GRAMD1C: variants seen among roughly 807,000 people sequenced by gnomAD.
The protein encoded by GRAMD1C is protein Aster-C.
A neutral mutation model predicts 97.8 loss-of-function variants in GRAMD1C; 89 were observed. The ratio of observed to expected loss-of-function variants is 0.91; its 90% CI spans 0.77 to 1.09. The LOEUF (loss-of-function observed/expected upper bound fraction) is 1.09, where lower values mean the gene tolerates loss of function less well. Ranked by LOEUF, GRAMD1C falls within the 50% of genes least tolerant of loss-of-function variation. GRAMD1C has a pLI of 0.00. For synonymous variants in GRAMD1C, 256 were observed against 267.0 expected (o/e 0.96, Z 0.40); for missense variants, 740 against 766.4 (o/e 0.97, Z 0.41).
intron 5 of GRAMD1C, among the ~76,000 whole-genome samples, chr3:113,877,980 A>G (rs1161996313): frequency 2.0e-5 from 3 of 151,980 alleles, no homozygotes; most frequent in Non-Finnish European, 2.9e-5. Flanking sequence ...GGGTTTCACT[A>G]TTTTGGTCAG....
chr3:113,842,479 T>A (rs1431259038), intron 1 of GRAMD1C, among the ~76,000 whole-genome samples: 2 of 152,224 alleles, frequency 1.3e-5, no homozygotes, highest in Non-Finnish European at 2.9e-5. Context: ...TGCTGTTGTA[T>A]GTTTCCTCCC....
At chr3:113,838,057 C>T (rs532039000), upstream of GRAMD1C, among the ~76,000 whole-genome samples, 3 of 152,208 alleles carry the variant, frequency 2.0e-5, no homozygotes, top group Non-Finnish European at 4.4e-5. Flanking sequence ...TCTTCTCAGA[C>T]TTAAGGTCTG....
At chr3:113,884,827 ACT>A (rs1935390392) in intron 6 of GRAMD1C, among the ~76,000 whole-genome samples, 2 of 148,898 alleles carry the variant, frequency 1.3e-5, no homozygotes, top group South Asian at 2.1e-4. Context: ...CGACAGTGAG[ACT>A]CTGTCTCAAA....
At chr3:113,882,581 C>T (rs1468216445) in intron 5 of GRAMD1C, among the ~76,000 whole-genome samples, 171 bp from the exon 6 acceptor site, 1 of 152,056 alleles carries the variant, frequency 6.6e-6, no homozygotes, top group Non-Finnish European at 1.5e-5. Flanking sequence ...ATAGCAACTA[C>T]CCGTGTTTCT....
intron 7 of GRAMD1C, among the ~76,000 whole-genome samples, 198 bp from the exon 8 acceptor site, chr3:113,903,942 C>T (rs1577186519): frequency 6.7e-6 from 1 of 148,566 alleles, no homozygotes; most frequent in African/African-American, 2.4e-5. Context: ...GTGAGTGTAT[C>T]TTGTTTTCAG....
chr3:113,938,777 C>T (rs1277082437), intron 15 of GRAMD1C: 1 of 152,164 alleles, frequency 6.6e-6, no homozygotes, highest in African/African-American at 2.4e-5. Flanking sequence ...TATCTATATG[C>T]CTCTATATGA....
intron 5 of GRAMD1C, among the ~76,000 whole-genome samples, chr3:113,881,245 C>T (rs752801018): frequency 6.6e-5 from 10 of 152,178 alleles, no homozygotes; most frequent in African/African-American, 9.7e-5. Context: ...ACCTCCGCCT[C>T]CCGGGTTCAA....
intron 5 of GRAMD1C, among the ~76,000 whole-genome samples, 172 bp from the exon 6 acceptor site, chr3:113,882,580 A>G (rs1300692209): frequency 6.6e-6 from 1 of 152,170 alleles, no homozygotes; most frequent in East Asian, 1.9e-4. Context: ...TATAGCAACT[A>G]CCCGTGTTTC....
At chr3:113,890,756 A>C in intron 6 of GRAMD1C, 1 of 700,260 alleles carries the variant, frequency 1.4e-6, no homozygotes. Context: ...CTTATCACAC[A>C]CATGTGAGTT....
chr3:113,877,800 C>T (rs776326986), intron 5 of GRAMD1C, among the ~76,000 whole-genome samples: 3 of 150,136 alleles, frequency 2.0e-5, no homozygotes, highest in South Asian at 2.1e-4. Flanking sequence ...TTTTTAGAGA[C>T]GGAGTTTTGT....
intron 10 of GRAMD1C, chr3:113,919,849 A>G (rs1046860580): frequency 2.0e-5 from 13 of 652,060 alleles, no homozygotes; most frequent in Admixed American, 3.9e-5. Flanking sequence ...TGGAGTTACA[A>G]CTGATCAAAA....
At chr3:113,848,859 T>C (rs1435484337) in intron 2 of GRAMD1C, among the ~76,000 whole-genome samples, 1 of 152,212 alleles carries the variant, frequency 6.6e-6, no homozygotes, top group East Asian at 1.9e-4. Context: ...ATGAGTTTTA[T>C]TATTACCTTT....
At chr3:113,849,945 G>T (rs1215778257) in intron 2 of GRAMD1C, among the ~76,000 whole-genome samples, 1 of 144,056 alleles carries the variant, frequency 6.9e-6, no homozygotes, top group Non-Finnish European at 1.5e-5. Flanking sequence ...CCTCCCTCCC[G>T]GACGGGGCGG....
chr3:113,870,952 A>G (rs1018101329), intron 3 of GRAMD1C, among the ~76,000 whole-genome samples: 1 of 139,984 alleles, frequency 7.1e-6, no homozygotes, highest in African/African-American at 3.0e-5. Context: ...CCTTGGCTCA[A>G]CAAATAAATA....
In GRAMD1C at chr3:113,900,175, A is replaced by G. The variant is rs143597180; in HGVS notation, c.541-856A>G. On this transcript the variant is annotated intron_variant, in intron 6 of 17. Transcript: ENST00000358160. ...GGAGTTCCAGACCAGCCTGGCCAACATGGTGAAACCCCATCTCTACTAAAA... is the reference window on the plus strand; with the variant it reads ...GGAGTTCCAGACCAGCCTGGCCAACGTGGTGAAACCCCATCTCTACTAAAA... Among the ~76,000 whole-genome samples, 1,396 of 151,840 alleles carry G rather than the reference A, an allele frequency of 9.2e-3. 22 individuals are homozygous for G. The highest frequency in any genetic ancestry group is 0.032 in the African/African-American group (1,347 of 41,448).
chr3:113,877,382 A>G (rs1313708060), intron 5 of GRAMD1C, among the ~76,000 whole-genome samples: 1 of 152,212 alleles, frequency 6.6e-6, no homozygotes, highest in African/African-American at 2.4e-5. Context: ...TTCAATTTCC[A>G]TAACTATCCC....
At chr3:113,908,331 T>A (rs530004166) in intron 8 of GRAMD1C, among the ~76,000 whole-genome samples, 1 of 152,230 alleles carries the variant, frequency 6.6e-6, no homozygotes, top group Non-Finnish European at 1.5e-5. Flanking sequence ...GATGACATCA[T>A]CTTTATTAAA....
intron 5 of GRAMD1C, among the ~76,000 whole-genome samples, chr3:113,881,522 A>G (rs1216869487): frequency 6.6e-6 from 1 of 152,208 alleles, no homozygotes; most frequent in Admixed American, 6.5e-5. Context: ...GAAAGGTAGT[A>G]ATTTATGTAG....
Position 113,915,856 on chromosome 3 carries a change from T to C in GRAMD1C, c.1090+18T>C. 1 of 1,573,174 alleles carries C rather than the reference T, an allele frequency of 6.4e-7. No homozygotes were observed. Among genetic ancestry groups the C allele is most frequent in the Non-Finnish European group, 8.7e-7 (1 of 1,146,178 alleles). On this transcript the variant is annotated intron_variant, in intron 10 of 17. Coordinates refer to ENST00000358160, the MANE Select transcript of GRAMD1C (RefSeq NM_017577.5). ...TATAATAGGTTAGTCCTTGTGTTCT[T>C]ACCTAATGATAAATTTGGGAGAATG... is the stretch of plus-strand genomic sequence containing the variant.
Sources: allele counts gnomAD v4.1 joint callset (sites outside exome capture counted in the v4.1 genomes callset), GRCh38; gene constraint gnomAD v4.1.1; transcripts MANE v1.5; gene names NCBI Gene and HGNC (gene_info 2026-07-23, HGNC 2026-07-21).